TMEM150C: variants seen among roughly 807,000 people sequenced by gnomAD.
The protein encoded by TMEM150C is tentonin 3.
A neutral mutation model predicts 29.9 loss-of-function variants in TMEM150C; 10 were observed. The observed-to-expected ratio is 0.33, with a 90% CI of 0.21 to 0.57. The LOEUF (loss-of-function observed/expected upper bound fraction) is 0.57, where lower values mean the gene tolerates loss of function less well. TMEM150C is among the 20% of genes least tolerant of loss of function. The probability of loss-of-function intolerance (pLI) is 0.88; values close to 1 mark genes in which losing one functional copy is unlikely to be tolerated. For missense variants in TMEM150C, 251 were observed against 303.6 expected (o/e 0.83, Z 1.29); for synonymous variants, 101 against 112.5 (o/e 0.90, Z 0.64).
At chr4:82,523,448 C>T (rs900338560) in intron 1 of TMEM150C, among the ~76,000 whole-genome samples, 13 of 152,090 alleles carry the variant, frequency 8.5e-5, no homozygotes, top group Non-Finnish European at 1.5e-4. Context: ...GTTCTACACA[C>T]GTGGGGATAT....
In TMEM150C at chr4:82,544,054, G is replaced by A. The variant is rs370059591; in HGVS notation, c.-11+17852C>T. On this transcript the variant is annotated intron_variant, in intron 1 of 7. Coordinates refer to ENST00000449862, the MANE Select transcript of TMEM150C (RefSeq NM_001080506.3). ...GTCAGTGTGAACCACTATTACGAAC[G>A]ATCGGATATTAACTGCCCCTCACCG... Among the ~76,000 whole-genome samples the A allele has an allele frequency of 6.6e-5, 10 of 152,258 alleles. No homozygotes were observed. In the East Asian group the frequency reaches 9.6e-4, roughly 15 times the overall value.
At chr4:82,534,282 T>C (rs904675245) in intron 1 of TMEM150C, among the ~76,000 whole-genome samples, 6 of 152,186 alleles carry the variant, frequency 3.9e-5, no homozygotes, top group Non-Finnish European at 7.4e-5. Context: ...TTCCAGGTGA[T>C]AGGCTTATTT....
chr4:82,490,442 C>T (rs1723299848), intron 6 of TMEM150C, among the ~76,000 whole-genome samples: 1 of 152,262 alleles, frequency 6.6e-6, no homozygotes, highest in East Asian at 1.9e-4. Context: ...ATACCCCCAA[C>T]CCTTAAAAAC....
chr4:82,518,563 C>A (rs1724372655), intron 1 of TMEM150C, among the ~76,000 whole-genome samples: 1 of 152,288 alleles, frequency 6.6e-6, no homozygotes, highest in Middle Eastern at 3.4e-3. Flanking sequence ...ACGTTGACAC[C>A]ATTTTCCTCT....
intron 1 of TMEM150C, among the ~76,000 whole-genome samples, chr4:82,538,873 C>A (rs981319977): frequency 1.3e-5 from 2 of 152,004 alleles, no homozygotes; most frequent in Non-Finnish European, 2.9e-5. Context: ...CCAGCCTGGG[C>A]AACATGGCGA....
chr4:82,491,212 C>G, intron 6 of TMEM150C: 2 of 689,820 alleles, frequency 2.9e-6, no homozygotes, highest in Non-Finnish European at 5.3e-6. Flanking sequence ...TTAACTCCTA[C>G]TCGAAGGGCA....
intron 1 of TMEM150C, among the ~76,000 whole-genome samples, chr4:82,529,983 T>G (rs1332003409): frequency 6.6e-6 from 1 of 151,622 alleles, no homozygotes; most frequent in Non-Finnish European, 1.5e-5. Flanking sequence ...TAGGGCTCCA[T>G]GTGCTGCAGG....
At chr4:82,548,771 T>G (rs13435382) in intron 1 of TMEM150C, among the ~76,000 whole-genome samples, 10,403 of 152,250 alleles carry the variant, frequency 0.068, 572 homozygotes, top group African/African-American at 0.15. Context: ...GTAATGGCCC[T>G]GGGCTGGGTC....
chr4:82,548,919 C>G (rs1329942042), intron 1 of TMEM150C, among the ~76,000 whole-genome samples: 1 of 152,174 alleles, frequency 6.6e-6, no homozygotes, highest in Non-Finnish European at 1.5e-5. Flanking sequence ...ATGAGTAAGT[C>G]AGAGAGTGGT....
chr4:82,487,215 G>A (rs1039371748), intron 7 of TMEM150C, among the ~76,000 whole-genome samples: 8 of 152,174 alleles, frequency 5.3e-5, no homozygotes, highest in African/African-American at 1.4e-4. Context: ...TTGGGAGGCC[G>A]AGGAGTGTGT....
At chr4:82,557,210 G>A (rs1725762653) in intron 1 of TMEM150C, among the ~76,000 whole-genome samples, 2 of 152,152 alleles carry the variant, frequency 1.3e-5, no homozygotes, top group Admixed American at 6.5e-5. Flanking sequence ...CATTTTAATG[G>A]CTTTACTAAA....
chr4:82,502,473 A>C (rs1222959845), intron 5 of TMEM150C, among the ~76,000 whole-genome samples: 2 of 152,234 alleles, frequency 1.3e-5, no homozygotes, highest in Non-Finnish European at 2.9e-5. Flanking sequence ...ATGCAGCAAA[A>C]TAGATCAAGT....
At chr4:82,492,185 G>A (rs1405831359) in intron 6 of TMEM150C, among the ~76,000 whole-genome samples, 2 of 152,034 alleles carry the variant, frequency 1.3e-5, no homozygotes, top group African/African-American at 4.8e-5. Context: ...CTGGAGTGCA[G>A]TAGTGCGATC....
At chr4:82,536,161 C>A (rs1359159634) in intron 1 of TMEM150C, among the ~76,000 whole-genome samples, 1 of 151,942 alleles carries the variant, frequency 6.6e-6, no homozygotes, top group Non-Finnish European at 1.5e-5. Context: ...GAGATCGAGA[C>A]CATCTGGCCA....
intron 1 of TMEM150C, among the ~76,000 whole-genome samples, chr4:82,556,721 G>A (rs1725747704): frequency 6.6e-6 from 1 of 151,926 alleles, no homozygotes; most frequent in African/African-American, 2.4e-5. Context: ...ATAAGTATAT[G>A]TATCTCATCT....
chr4:82,560,963 G>A (rs142579520), intron 1 of TMEM150C, among the ~76,000 whole-genome samples: 59 of 152,316 alleles, frequency 3.9e-4, no homozygotes, highest in African/African-American at 1.4e-3. Flanking sequence ...CATTCTACCT[G>A]AGCTATGTTC....
Position 82,503,123 on chromosome 4 carries a change from A to AG in TMEM150C, c.81-12dup, listed in dbSNP as rs1431347354. On this transcript the variant is annotated splice_polypyrimidine_tract_variant and intron_variant, in intron 2 of 7. Coordinates refer to ENST00000449862, the MANE Select transcript of TMEM150C (RefSeq NM_001080506.3). ...ACAGCTATGAAGTATCTATCAAAAA[A>AG]GAATAAGTTTATAGAACAAAGAAAT... 6.3e-7 allele frequency: 1 copy of AG among 1,578,228 alleles called. No individual in the cohort carries two copies. Among genetic ancestry groups the AG allele is most frequent in the African/African-American group, 1.4e-5 (1 of 73,852 alleles).
chr4:82,532,075 A>G (rs2110083356), intron 1 of TMEM150C, among the ~76,000 whole-genome samples: 1 of 152,348 alleles, frequency 6.6e-6, no homozygotes, highest in Middle Eastern at 3.4e-3. Context: ...GTCAGGATCA[A>G]AGAAAGATTT....
intron 1 of TMEM150C, among the ~76,000 whole-genome samples, chr4:82,540,779 A>C (rs1725175644): frequency 6.6e-6 from 1 of 152,214 alleles, no homozygotes; most frequent in Admixed American, 6.5e-5. Flanking sequence ...TGTGGAATGG[A>C]TAAATCAAAC....
Sources: allele counts gnomAD v4.1 joint callset (sites outside exome capture counted in the v4.1 genomes callset), GRCh38; gene constraint gnomAD v4.1.1; transcripts MANE v1.5; gene names NCBI Gene and HGNC (gene_info 2026-07-23, HGNC 2026-07-21).